The following P2RX7 variants were observed in gnomAD, a reference collection of about 807,000 sequenced individuals.
P2RX7 encodes P2X purinoceptor 7.
Under a neutral mutation model 71.6 loss-of-function variants are expected in P2RX7, and 62 were observed. The ratio of observed to expected loss-of-function variants is 0.87; its 90% confidence interval spans 0.71 to 1.07. The LOEUF (loss-of-function observed/expected upper bound fraction) is 1.07. P2RX7 is among the 50% of genes least tolerant of loss of function. P2RX7 has a pLI of 0.00. For synonymous variants in P2RX7, 299 were observed against 283.3 expected, an observed-to-expected ratio of 1.06 and a Z score of -0.56; for missense variants, 686 against 748.5, an observed-to-expected ratio of 0.92 and a Z score of 0.97.
chr12:121,155,499 G>T (rs867370967), intron 2 of P2RX7: 1 of 887,034 alleles, frequency 1.1e-6, no homozygotes, highest in Non-Finnish European at 1.6e-6. Context: ...CCAAAAAAGA[G>T]AAATTAAAGT....
At position 121,154,222 on chromosome 12, in the gene P2RX7, G is replaced by A. The variant is rs1878095474; in HGVS notation, c.126-563G>A. ...GGAGAATCACTTGAACCTGGGAGGTGGAAGTTGCAGTGAGCCAAGATCGCA... is the reference window on the plus strand; with the variant it reads ...GGAGAATCACTTGAACCTGGGAGGTAGAAGTTGCAGTGAGCCAAGATCGCA... On this transcript the variant is annotated intron_variant, in intron 1 of 12. Transcript: ENST00000328963. The surrounding 1 kb of genome is among the most constrained non-coding windows in gnomAD (Gnocchi z 4.2). Among the ~76,000 whole-genome samples the A allele has an allele frequency of 6.6e-6, 1 of 151,906 alleles. No homozygotes were observed. Among genetic ancestry groups the A allele is most frequent in the Non-Finnish European group, 1.5e-5 (1 of 67,964 alleles).
At chr12:121,178,116 G>C (rs146068664) in intron 11 of P2RX7, among the ~76,000 whole-genome samples, 207 of 152,256 alleles carry the variant, frequency 1.4e-3, no homozygotes, top group African/African-American at 4.5e-3. Flanking sequence ...TGTTTAAATG[G>C]GACATACTTT....
In P2RX7 at chr12:121,149,231, C is replaced by T. The variant is rs35605477; in HGVS notation, c.126-5554C>T. 0.054 allele frequency: 17,624 copies of T among 324,422 alleles called. 654 individuals carry two copies. The highest frequency in any genetic ancestry group is 0.074 in the South Asian group (2,938 of 39,438). The allele number at this position is 324,422 out of a possible 1,614,324, so 20.1% of individuals were successfully genotyped here. On this transcript the variant is annotated intron_variant, in intron 1 of 12. Transcript: ENST00000328963. This position sits in a 1 kb window ranked among gnomAD's most constrained non-coding sequence, Gnocchi z 4.7. ...GTCCAGAGCAAGCAGCCTCAGGGTC[C>T]CATGGGCCCAACCTCACCCTCCATC...
At chr12:121,148,412 G>T (rs146917960) in intron 1 of P2RX7, among the ~76,000 whole-genome samples, 128 of 151,386 alleles carry the variant, frequency 8.5e-4, no homozygotes, top group African/African-American at 3.0e-3. Context: ...ATGGGGTTTC[G>T]CCATGTTGCC....
intron 5 of P2RX7, among the ~76,000 whole-genome samples, chr12:121,163,379 A>G (rs1880237137): frequency 7.2e-6 from 1 of 138,188 alleles, no homozygotes; most frequent in Admixed American, 7.1e-5. Context: ...CACACACACA[A>G]TCTACCCCTA....
intron 11 of P2RX7, among the ~76,000 whole-genome samples, chr12:121,179,782 A>G (rs960527133): frequency 1.3e-5 from 2 of 152,226 alleles, no homozygotes; most frequent in Non-Finnish European, 2.9e-5. Context: ...AAGAAATTTT[A>G]TGCAGCAACT....
chr12:121,133,005 A>C lies in P2RX7; in HGVS notation c.35A>C (p.Gln12Pro). The change falls in exon 1 of 13, where the codon CAG (glutamine) becomes CCG (proline). Residue 12 changes from glutamine (Q) to proline (P), a missense_variant. Gln to Pro is a moderately conservative substitution (Grantham distance 76). Transcript: ENST00000328963. ...TGCTGCAGCTGCAGTGATGTTTTCC[A>C]GTATGAGACGAACAAAGTCACTCGG... ...PACCSCSDVF[Q>P]YETNKVTRIQ... 6.2e-7 allele frequency: 1 copy of C among 1,614,070 alleles called. No homozygotes were observed.
intron 8 of P2RX7, among the ~76,000 whole-genome samples, chr12:121,174,043 CTTTTCTTTTTTTT>C (rs1192161309): frequency 1.5e-4 from 18 of 121,266 alleles, no homozygotes; most frequent in African/African-American, 5.1e-4. Context: ...TTTTTCTTTT[CTTTTCTTTTTTTT>C]TTTTTTTTTT....
intron 8 of P2RX7, among the ~76,000 whole-genome samples, chr12:121,171,923 G>C (rs541562333): frequency 6.7e-6 from 1 of 148,806 alleles, no homozygotes; most frequent in Non-Finnish European, 1.5e-5. Flanking sequence ...GTGCAGTGGC[G>C]TGATCTCGGC....
intron 11 of P2RX7, among the ~76,000 whole-genome samples, chr12:121,177,835 C>T (rs1883421517): frequency 6.6e-6 from 1 of 151,984 alleles, no homozygotes; most frequent in South Asian, 2.1e-4. Context: ...TCTCCTGCCT[C>T]AACCTCCCAA....
At chr12:121,174,336 C>T (rs895197435) in intron 8 of P2RX7, among the ~76,000 whole-genome samples, 3 of 151,900 alleles carry the variant, frequency 2.0e-5, no homozygotes, top group African/African-American at 4.8e-5. Context: ...GTGTGAGCCA[C>T]GGTGCCCGAC....
chr12:121,175,412 C>T lies in P2RX7; in HGVS notation c.906C>T (p.Asn302=). 6.3e-7 allele frequency: 1 copy of T among 1,595,500 alleles called. No homozygotes were observed. Among genetic ancestry groups the T allele is most frequent in the Non-Finnish European group, 8.6e-7 (1 of 1,166,500 alleles). ...GATACGCCAAGTACTACAAGGAAAA[C>T]AATGTTGAGAAACGGACTCTGATAA... is the stretch of plus-strand genomic sequence containing the variant. The part of the protein sequence containing the change: ...NFRYAKYYKE[N]NVEKRTLIKV... The change falls in exon 9 of 13, where the codon AAC becomes AAT. Residue 302 remains asparagine, a synonymous_variant. Coordinates refer to ENST00000328963, the MANE Select transcript of P2RX7 (RefSeq NM_002562.6).
intron 1 of P2RX7, among the ~76,000 whole-genome samples, chr12:121,148,250 T>G (rs985761491): frequency 3.3e-5 from 5 of 151,224 alleles, no homozygotes; most frequent in African/African-American, 4.9e-5. Flanking sequence ...AGTCTCACTC[T>G]GTCACCCAGG....
rs1191508376 is a variant in P2RX7 at position 121,136,003 on chromosome 12, CAAA to C, written c.125+2927_125+2929del. On this transcript the variant is annotated intron_variant, in intron 1 of 12. Coordinates refer to ENST00000328963, the MANE Select transcript of P2RX7 (RefSeq NM_002562.6). ...TGAGCCACAGAGCAAGACTCTGTCT[CAAA>C]AAAAAAAAAAAAAAAAAATATATAT... is the stretch of plus-strand genomic sequence containing the variant. Among the ~76,000 whole-genome samples the C allele has an allele frequency of 4.8e-3, 61 of 12,834 alleles. 2 individuals carry two copies. Among genetic ancestry groups the C allele is most frequent in the African/African-American group, 8.0e-3 (52 of 6,524 alleles). 8.4% of individuals were successfully genotyped at this position (12,834 alleles called of 152,430 possible). A position where few individuals can be genotyped will look rare whatever the true frequency, so the allele number is the denominator to read the frequency against.
rs758696968 is a variant in P2RX7, at chr12:121,180,342, A to G, written c.1189-12A>G. 31 of 1,497,900 alleles carry G rather than the reference A, an allele frequency of 2.1e-5. No individual in the cohort carries two copies. The highest frequency in any genetic ancestry group is 2.4e-5 in the Non-Finnish European group (26 of 1,096,682). The allele number at this position is 1,497,900 out of a possible 1,614,324, so 92.8% of individuals were successfully genotyped here. A position where few individuals can be genotyped will look rare whatever the true frequency, so the allele number is the denominator to read the frequency against. The stretch of plus-strand genomic sequence containing the variant: ...ACAAAAATGGGTAAACTTTCAAACC[A>G]TCTTTTCCTAGACATTAAAGTATGT... On this transcript the variant is annotated splice_polypyrimidine_tract_variant and intron_variant, in intron 11 of 12. Coordinates refer to ENST00000328963, the MANE Select transcript of P2RX7 (RefSeq NM_002562.6).
intron 5 of P2RX7, among the ~76,000 whole-genome samples, chr12:121,163,580 AATAG>A (rs993512603): frequency 1.5e-4 from 12 of 77,616 alleles, no homozygotes; most frequent in African/African-American, 2.0e-4. Context: ...ATAAATAGAT[AATAG>A]ATAGATAGAC....
chr12:121,162,111 A>C (rs1391472612), intron 4 of P2RX7, among the ~76,000 whole-genome samples: 1 of 152,094 alleles, frequency 6.6e-6, no homozygotes, highest in Non-Finnish European at 1.5e-5. Context: ...GTTCTAGTCC[A>C]TTTATACTAA....
intron 1 of P2RX7, among the ~76,000 whole-genome samples, chr12:121,141,192 A>T (rs1041422326): frequency 6.6e-6 from 1 of 152,314 alleles, no homozygotes; most frequent in Non-Finnish European, 1.5e-5. Context: ...AAAACACCAA[A>T]ATAGCTGGAA....
chr12:121,153,434 T>C (rs1218796988), intron 1 of P2RX7, among the ~76,000 whole-genome samples: 5 of 152,102 alleles, frequency 3.3e-5, no homozygotes, highest in Non-Finnish European at 5.9e-5. Context: ...TCCCAGCACT[T>C]TGGGAGGCCA....
Sources: allele counts gnomAD v4.1 joint callset (sites outside exome capture counted in the v4.1 genomes callset), GRCh38; gene constraint gnomAD v4.1.1; non-coding constraint Gnocchi (gnomAD v3.1); transcripts MANE v1.5; gene names NCBI Gene and HGNC (gene_info 2026-07-23, HGNC 2026-07-21).